Variants in CDC73 observed in about 807,000 individuals in gnomAD.
CDC73 encodes parafibromin.
In CDC73, 21 loss-of-function variants were observed where a neutral mutation model predicts 83.7. That is an observed-to-expected ratio of 0.25 (90% CI 0.18 to 0.36). The LOEUF is 0.36. Ranked by LOEUF, CDC73 falls within the 10% of genes least tolerant of loss-of-function variation. The pLI is 1.00. For synonymous variants in CDC73, 224 were observed against 212.9 expected (o/e 1.05, Z -0.45); for missense variants, 342 against 653.3 (o/e 0.52, Z 5.19).
intron 10 of CDC73, chr1:193,180,752 G>C (rs767933476): frequency 6.2e-7 from 1 of 1,614,074 alleles, no homozygotes; most frequent in East Asian, 2.2e-5. Flanking sequence ...CTGGGAGGCA[G>C]ATCTGGCTTC....
chr1:193,127,289 A>ATGTGTGTGTGTGTGTGTGTGTG (rs34948918), intron 2 of CDC73, among the ~76,000 whole-genome samples: 3 of 143,188 alleles, frequency 2.1e-5, no homozygotes, highest in Admixed American at 7.0e-5. Flanking sequence ...AAAAAAAAAA[A>ATGTGTGTGTGTGTGTGTGTGTG]TGTGTGTGTG....
chr1:193,181,466 G>A (rs1295386976), intron 10 of CDC73: 1 of 1,614,056 alleles, frequency 6.2e-7, no homozygotes, highest in Non-Finnish European at 8.5e-7. Flanking sequence ...AGAAACACTA[G>A]AGAAAGTACT....
At chr1:193,141,762 A>G (rs1439057131) in intron 6 of CDC73, 88 bp from the exon 7 acceptor site, 4 of 870,732 alleles carry the variant, frequency 4.6e-6, no homozygotes, top group Non-Finnish European at 5.6e-6. Flanking sequence ...AAGTGTTTTT[A>G]CCAGAAATTT....
intron 14 of CDC73, among the ~76,000 whole-genome samples, chr1:193,235,152 A>C (rs895371407): frequency 6.6e-6 from 1 of 152,186 alleles, no homozygotes; most frequent in African/African-American, 2.4e-5. Flanking sequence ...TTTTCATAAT[A>C]ATACTGAGAT....
At chr1:193,145,324 A>G (rs1675977586) in intron 7 of CDC73, among the ~76,000 whole-genome samples, 1 of 152,198 alleles carries the variant, frequency 6.6e-6, no homozygotes, top group Non-Finnish European at 1.5e-5. Flanking sequence ...GTTACCTGAA[A>G]AACCTTTTCC....
Position 193,202,381 on chromosome 1 carries a change from T to C in CDC73, c.973-1414T>C, listed in dbSNP as rs1357249123. On this transcript the variant is annotated intron_variant, in intron 10 of 16. Transcript: ENST00000367435. ...CATCATAATGATGTTAAATATTTGA[T>C]ATGCTCTCCACCTTATGACTCACTT... is the stretch of plus-strand genomic sequence containing the variant. 2.7e-5 allele frequency among the ~76,000 whole-genome samples: 4 copies of C among 150,382 alleles called. No homozygotes were observed. The East Asian group carries it at 7.7e-4, about 29-fold the overall frequency.
chr1:193,224,934 A>G (rs892811012), intron 13 of CDC73, among the ~76,000 whole-genome samples: 1 of 151,836 alleles, frequency 6.6e-6, no homozygotes, highest in Non-Finnish European at 1.5e-5. Flanking sequence ...AACAGGTGGT[A>G]TTTGGTTACA....
chr1:193,147,561 G>T (rs753357073), intron 7 of CDC73, among the ~76,000 whole-genome samples: 44 of 151,958 alleles, frequency 2.9e-4, no homozygotes, highest in Admixed American at 4.6e-4. Context: ...TAGAGACGGG[G>T]TTTCACCTGT....
chr1:193,232,979 C>CT lies in CDC73; in HGVS notation c.1155-13dup, dbSNP rs768505659. The CT allele has an allele frequency of 2.5e-6, 4 of 1,609,564 alleles. No individual in the cohort carries two copies. Among genetic ancestry groups the CT allele is most frequent in the Non-Finnish European group, 3.4e-6 (4 of 1,176,106 alleles). ...GGAATACATTGACTTTTTCTCATCT[C>CT]TGTTTTTTCAAAGATTTGTCCCATC... is the stretch of plus-strand genomic sequence containing the variant. On this transcript the variant is annotated splice_polypyrimidine_tract_variant and intron_variant, in intron 13 of 16. Transcript: ENST00000367435.
intron 15 of CDC73, among the ~76,000 whole-genome samples, chr1:193,237,397 A>G (rs901993362): frequency 6.6e-6 from 1 of 152,166 alleles, no homozygotes; most frequent in African/African-American, 2.4e-5. Context: ...TAGAAAAAAG[A>G]TGCAAACCTT....
At chr1:193,196,909 C>A (rs1203539371) in intron 10 of CDC73, among the ~76,000 whole-genome samples, 1 of 152,116 alleles carries the variant, frequency 6.6e-6, no homozygotes, top group Non-Finnish European at 1.5e-5. Flanking sequence ...TTACCTCTTC[C>A]TTTCCAATTT....
At chr1:193,142,190 A>G (rs781385912) in intron 7 of CDC73, 124 bp downstream of exon 7, 46 of 773,748 alleles carry the variant, frequency 5.9e-5, no homozygotes, top group Non-Finnish European at 9.7e-5. Flanking sequence ...TATCTCTTTG[A>G]AAGCTCAGTA....
chr1:193,122,409 C>T (rs768634037), intron 1 of CDC73, 78 bp downstream of exon 1: 68 of 1,565,446 alleles, frequency 4.3e-5, no homozygotes, highest in Non-Finnish European at 5.5e-5. Flanking sequence ...CTTAACCCCT[C>T]CCCCCGTTTC....
chr1:193,217,632 C>T (rs1677393044), intron 13 of CDC73, among the ~76,000 whole-genome samples: 3 of 152,148 alleles, frequency 2.0e-5, no homozygotes, highest in South Asian at 4.2e-4. Context: ...TGATATGCTC[C>T]TTTTGACGTC....
At chr1:193,205,203 C>A in intron 11 of CDC73, among the ~76,000 whole-genome samples, 1 of 120,492 alleles carries the variant, frequency 8.3e-6, no homozygotes, top group Admixed American at 8.0e-5. Flanking sequence ...TGTCCCCCCC[C>A]CCCCCTTTTT....
intron 15 of CDC73, among the ~76,000 whole-genome samples, chr1:193,245,952 T>C (rs1479713854): frequency 1.3e-5 from 2 of 152,084 alleles, no homozygotes; most frequent in Admixed American, 6.5e-5. Context: ...AATGTCTGTT[T>C]AGATCATTTC....
chr1:193,206,921 C>T (rs971410947), intron 11 of CDC73, among the ~76,000 whole-genome samples: 1 of 152,152 alleles, frequency 6.6e-6, no homozygotes, highest in Non-Finnish European at 1.5e-5. Context: ...TCCAACCTCT[C>T]AAAATTCATT....
At chr1:193,186,817 G>A (rs1318638097) in intron 10 of CDC73, among the ~76,000 whole-genome samples, 7 of 152,052 alleles carry the variant, frequency 4.6e-5, no homozygotes, top group Admixed American at 4.6e-4. Context: ...TTATGAAATG[G>A]TTATGATTTT....
At position 193,251,840 on chromosome 1, in the gene CDC73, C is replaced by T. The variant is rs998973442; in HGVS notation, c.*1128C>T. 4.4e-6 allele frequency: 1 copy of T among 229,812 alleles called. No individual in the cohort carries two copies. 14.2% of individuals were successfully genotyped at this position (229,812 alleles called of 1,614,324 possible). On this transcript the variant is annotated 3_prime_UTR_variant, in exon 17 of 17. Transcript: ENST00000367435. ...CCATTTGCCTTGAACCTTGATTTCA[C>T]TTTGTTTTTTTTTTTTCCTTAAAGG... is the stretch of plus-strand genomic sequence containing the variant.
Sources: gnomAD v4.1 joint callset for allele counts (sites outside exome capture counted in the v4.1 genomes callset) on GRCh38, gnomAD v4.1.1 for gene constraint, MANE v1.5 for transcripts, NCBI Gene and HGNC (gene_info 2026-07-23, HGNC 2026-07-21) for gene names.